CDK7: variants seen among roughly 807,000 people sequenced by gnomAD.
CDK7 encodes the protein cyclin-dependent kinase 7.
A neutral mutation model predicts 49.1 loss-of-function variants in CDK7; 25 were observed. The observed-to-expected ratio is 0.51, with a 90% CI of 0.37 to 0.71. CDK7 has a LOEUF of 0.71. Among genes scored for constraint, CDK7 ranks in the 30% least tolerant of loss-of-function variants. CDK7 has a pLI of 0.00. For missense variants in CDK7, 316 were observed against 411.7 expected (o/e 0.77, Z 2.01); for synonymous variants, 107 against 140.0 (o/e 0.76, Z 1.67).
intron 2 of CDK7, among the ~76,000 whole-genome samples, chr5:69,243,126 T>C (rs1749498558): frequency 6.6e-6 from 1 of 152,242 alleles, no homozygotes. Context: ...TTCAAAAATA[T>C]GCCTTTTTGG....
chr5:69,240,255 G>C (rs1245959799), intron 2 of CDK7, among the ~76,000 whole-genome samples: 1 of 151,998 alleles, frequency 6.6e-6, no homozygotes, highest in African/African-American at 2.4e-5. Context: ...CATACACCTT[G>C]TTTTTCTTCT....
intron 2 of CDK7, among the ~76,000 whole-genome samples, chr5:69,243,834 T>G (rs975503091): frequency 3.8e-5 from 5 of 132,012 alleles, no homozygotes; most frequent in Admixed American, 7.5e-5. Flanking sequence ...TTGTTTTTTT[T>G]TTTTTTTTTT....
chr5:69,264,216 AAG>A (rs1751002604), intron 8 of CDK7, among the ~76,000 whole-genome samples: 1 of 152,210 alleles, frequency 6.6e-6, no homozygotes, highest in African/African-American at 2.4e-5. Context: ...TCAGAGATCT[AAG>A]AGATTATAGT....
At chr5:69,263,430 C>T (rs888934784) in intron 8 of CDK7, among the ~76,000 whole-genome samples, 6 of 152,184 alleles carry the variant, frequency 3.9e-5, no homozygotes, top group African/African-American at 1.4e-4. Flanking sequence ...ATAGTGGTGG[C>T]TCACGCCTAT....
Position 69,235,315 on chromosome 5 carries a change from G to C in CDK7, c.67-79G>C, listed in dbSNP as rs1270534673. 3 of 1,116,874 alleles carry C rather than the reference G, an allele frequency of 2.7e-6. No homozygotes were observed. In the African/African-American group the frequency reaches 4.7e-5, roughly 18 times the overall value. The allele number at this position is 1,116,874 out of a possible 1,614,324, so 69.2% of individuals were successfully genotyped here. On this transcript the variant is annotated intron_variant, in intron 1 of 11. Transcript: ENST00000256443. Reference sequence around the variant, plus strand: ...TCTGCTCAGGAACTCTGGGCTCTTTGCTTCGCGAAATGTAAAAATGCAAAA... The same window carrying C: ...TCTGCTCAGGAACTCTGGGCTCTTTCCTTCGCGAAATGTAAAAATGCAAAA...
chr5:69,248,440 T>C (rs976051884), intron 2 of CDK7, among the ~76,000 whole-genome samples: 20 of 151,682 alleles, frequency 1.3e-4, no homozygotes, highest in African/African-American at 4.6e-4. Flanking sequence ...GAGTGTGGAG[T>C]GCAATGGCAT....
intron 2 of CDK7, among the ~76,000 whole-genome samples, chr5:69,241,314 CTTTTTTTTTTTTTTT>C (rs747725798): frequency 0.1 from 3,663 of 35,284 alleles, 105 homozygotes; most frequent in Non-Finnish European, 0.14. Flanking sequence ...TAGGTTTTTT[CTTTTTTTTTTTTTTT>C]TTTTTTTTTG....
rs764537024 is a variant in CDK7, at chr5:69,276,565, G to A, written c.887G>A (p.Ser296Asn). 1 of 1,613,258 alleles carries A rather than the reference G, an allele frequency of 6.2e-7. No individual in the cohort carries two copies. The highest frequency in any genetic ancestry group is 1.1e-5 in the South Asian group (1 of 91,044). ...ATQALKMKYF[S>N]NRPGPTPGCQ... is the part of the protein sequence containing the mutation. ...AAGGCACTGAAAATGAAGTATTTCA[G>A]TAATCGGCCAGGGCCAACACCTGGA... The change falls in exon 11 of 12, where the codon AGT becomes AAT. Residue 296 changes from serine (S) to asparagine (N), a missense_variant. Ser to Asn is a conservative substitution (Grantham distance 46, BLOSUM62 1). Coordinates refer to ENST00000256443, the MANE Select transcript of CDK7 (RefSeq NM_001799.4).
chr5:69,265,667 T>C (rs1420525652), intron 8 of CDK7, among the ~76,000 whole-genome samples: 1 of 152,180 alleles, frequency 6.6e-6, no homozygotes, highest in African/African-American at 2.4e-5. Flanking sequence ...CCCAGCACTT[T>C]GGGAGGCCAA....
At chr5:69,247,830 A>T (rs759747639) in intron 2 of CDK7, among the ~76,000 whole-genome samples, 3 of 152,224 alleles carry the variant, frequency 2.0e-5, no homozygotes, top group Non-Finnish European at 2.9e-5. Context: ...CACTGATTAC[A>T]TAAACAAACC....
intron 2 of CDK7, among the ~76,000 whole-genome samples, chr5:69,239,876 A>ATT (rs34223920): frequency 3.9e-4 from 55 of 140,386 alleles, no homozygotes; most frequent in East Asian, 2.5e-3. Flanking sequence ...AGGATCCAGT[A>ATT]TTTTTTTTTT....
At chr5:69,237,680 G>A (rs761475894) in intron 2 of CDK7, among the ~76,000 whole-genome samples, 9 of 152,142 alleles carry the variant, frequency 5.9e-5, no homozygotes, top group Admixed American at 1.3e-4. Flanking sequence ...GCTGGGCGCG[G>A]TGGCTCATGT....
chr5:69,248,019 T>C (rs1749872637), intron 2 of CDK7, among the ~76,000 whole-genome samples: 1 of 152,218 alleles, frequency 6.6e-6, no homozygotes, highest in African/African-American at 2.4e-5. Context: ...TTCTGTGTAC[T>C]TACTATTACC....
At chr5:69,257,799 G>C (rs73127311) in intron 5 of CDK7, among the ~76,000 whole-genome samples, 1,572 of 152,286 alleles carry the variant, frequency 0.01, 31 homozygotes, top group African/African-American at 0.035. Flanking sequence ...AGAAACAACA[G>C]GTGTTTGCTA....
At chr5:69,261,078 A>G (rs879262597) in intron 7 of CDK7, among the ~76,000 whole-genome samples, 12 of 152,154 alleles carry the variant, frequency 7.9e-5, no homozygotes, top group African/African-American at 1.2e-4. Flanking sequence ...TCAGCCTCCA[A>G]TAGTTTTGGG....
intron 10 of CDK7, among the ~76,000 whole-genome samples, chr5:69,275,032 C>G (rs1751969121): frequency 6.7e-6 from 1 of 150,154 alleles, no homozygotes; most frequent in African/African-American, 2.5e-5. Context: ...CCACTGCACT[C>G]CAGCCTGGGC....
At chr5:69,263,624 G>T (rs983204252) in intron 8 of CDK7, among the ~76,000 whole-genome samples, 5 of 152,204 alleles carry the variant, frequency 3.3e-5, no homozygotes, top group African/African-American at 1.2e-4. Context: ...AACTTGGAAG[G>T]TAATATGGGA....
chr5:69,255,431 A>C, intron 4 of CDK7, 29 bp from the exon 5 acceptor site: 1 of 1,370,730 alleles, frequency 7.3e-7, no homozygotes, highest in Non-Finnish European at 1.0e-6. Context: ...TTAAATAGTG[A>C]ATCACATTTT....
At position 69,254,677 on chromosome 5, in the gene CDK7, T is replaced by C; in HGVS notation, c.228+8T>C. 2 of 1,405,648 alleles carry C rather than the reference T, an allele frequency of 1.4e-6. No individual in the cohort carries two copies. Among genetic ancestry groups the C allele is most frequent in the Non-Finnish European group, 2.0e-6 (2 of 991,096 alleles). 87.1% of individuals were successfully genotyped at this position (1,405,648 alleles called of 1,614,324 possible). ...CATCCAAATATAATTGGTGTGAGTA[T>C]GATCAAAACTGTTACTGGGATTTGG... On this transcript the variant is annotated splice_region_variant and intron_variant, in intron 4 of 11. Coordinates refer to ENST00000256443, the MANE Select transcript of CDK7 (RefSeq NM_001799.4).
Sources: gnomAD v4.1 joint callset for allele counts (sites outside exome capture counted in the v4.1 genomes callset) on GRCh38, gnomAD v4.1.1 for gene constraint, MANE v1.5 for transcripts, NCBI Gene and HGNC (gene_info 2026-07-23, HGNC 2026-07-21) for gene names.